Variants in CNTN4 observed in about 807,000 individuals in gnomAD.
CNTN4 encodes contactin 4.
A neutral mutation model predicts 122.5 loss-of-function variants in CNTN4; 77 were observed. That is an observed-to-expected ratio of 0.63 (90% CI 0.52 to 0.76). The LOEUF (loss-of-function observed/expected upper bound fraction) is 0.76. Among genes scored for constraint, CNTN4 ranks in the 30% least tolerant of loss-of-function variants. The pLI is 0.00. For missense variants in CNTN4, 1,256 were observed against 1,259.1 expected, an observed-to-expected ratio of 1.00 and a Z score of 0.04; for synonymous variants, 512 against 447.0, an observed-to-expected ratio of 1.15 and a Z score of -1.83.
chr3:2,193,920 A>G (rs1285669935), intron 2 of CNTN4, among the ~76,000 whole-genome samples: 1 of 152,174 alleles, frequency 6.6e-6, no homozygotes, highest in African/African-American at 2.4e-5. Context: ...AGGCTATATC[A>G]TTTAGGTTTG....
intron 2 of CNTN4, among the ~76,000 whole-genome samples, chr3:2,287,719 A>G (rs1320733245): frequency 1.7e-5 from 1 of 57,554 alleles, no homozygotes; most frequent in African/African-American, 6.5e-5. Context: ...GAGGAAGAAG[A>G]AGAAGAAGAA....
chr3:2,369,525 T>A (rs1000144344), intron 3 of CNTN4, among the ~76,000 whole-genome samples: 4 of 152,190 alleles, frequency 2.6e-5, no homozygotes, highest in African/African-American at 9.7e-5. Context: ...GCAGCAATTA[T>A]GAAAGTTGCC....
intron 13 of CNTN4, among the ~76,000 whole-genome samples, chr3:2,966,934 A>G (rs928627886): frequency 6.6e-6 from 1 of 152,244 alleles, no homozygotes; most frequent in Non-Finnish European, 1.5e-5. Context: ...CACTAAGTTC[A>G]GCCATATTGT....
chr3:2,623,981 T>C (rs2600308), intron 4 of CNTN4, among the ~76,000 whole-genome samples: 96,670 of 152,042 alleles, frequency 0.64, 32,118 homozygotes, highest in African/African-American at 0.81. Context: ...GAGATAATCA[T>C]GGAATTTTGA....
intron 4 of CNTN4, among the ~76,000 whole-genome samples, chr3:2,582,396 T>G (rs1328576826): frequency 6.6e-6 from 1 of 151,982 alleles, no homozygotes; most frequent in African/African-American, 2.4e-5. Context: ...TCCCAAACTG[T>G]AATCCCAATC....
At chr3:2,239,295 A>T (rs187473405) in intron 2 of CNTN4, among the ~76,000 whole-genome samples, 1 of 152,264 alleles carries the variant, frequency 6.6e-6, no homozygotes, top group East Asian at 1.9e-4. Context: ...CTTGGACTTA[A>T]AAAGGATTAC....
intron 3 of CNTN4, among the ~76,000 whole-genome samples, chr3:2,423,880 G>A (rs1263151108): frequency 7.3e-6 from 1 of 137,312 alleles, no homozygotes; most frequent in African/African-American, 2.7e-5. Context: ...TTATTTTCTT[G>A]CCTTTTAATG....
At chr3:3,008,589 G>A (rs1416595772) in intron 14 of CNTN4, among the ~76,000 whole-genome samples, 1 of 152,058 alleles carries the variant, frequency 6.6e-6, no homozygotes, top group Non-Finnish European at 1.5e-5. Context: ...TATAGATTCT[G>A]CCTTTGCAAA....
chr3:2,489,424 T>C (rs1267487035), intron 3 of CNTN4, among the ~76,000 whole-genome samples: 1 of 152,194 alleles, frequency 6.6e-6, no homozygotes, highest in Non-Finnish European at 1.5e-5. Flanking sequence ...CTCCCACACT[T>C]ACCCTCTTTT....
At chr3:2,138,928 G>C (rs2034844899) in intron 2 of CNTN4, among the ~76,000 whole-genome samples, 1 of 152,122 alleles carries the variant, frequency 6.6e-6, no homozygotes, top group Non-Finnish European at 1.5e-5. Flanking sequence ...TCTCTGGAGA[G>C]CTCTGACTAA....
intron 2 of CNTN4, among the ~76,000 whole-genome samples, chr3:2,196,926 C>G (rs768829861): frequency 1.3e-5 from 2 of 151,694 alleles, no homozygotes; most frequent in Admixed American, 1.3e-4. Flanking sequence ...TGCCTGTAAT[C>G]CCAGCTACTC....
intron 12 of CNTN4, among the ~76,000 whole-genome samples, chr3:2,907,732 G>T (rs2094253412): frequency 6.6e-6 from 1 of 152,150 alleles, no homozygotes; most frequent in Non-Finnish European, 1.5e-5. Flanking sequence ...AGATGGTTAG[G>T]AAGCATATAT....
rs7644007 is a variant in CNTN4 at position 3,042,595 on chromosome 3, C to T, written c.2511+173C>T. ...CATTGAATACTCAGCTGTGAGACTA[C>T]CCTTTTTCTATGTTATATTCTAGAG... is the stretch of plus-strand genomic sequence containing the variant. On this transcript the variant is annotated intron_variant, in intron 21 of 24. Transcript: ENST00000418658. Among the ~76,000 whole-genome samples the T allele has an allele frequency of 0.25, 37,530 of 152,084 alleles. 4,903 individuals carry two copies. The highest frequency in any genetic ancestry group is 0.33 in the Middle Eastern group (96 of 294).
rs138674717 is a variant in CNTN4 at position 2,866,929 on chromosome 3, C to A, written c.632C>A (p.Pro211Gln). Residue 211 changes from proline (P) to glutamine (Q), a missense_variant, in exon 8 of 25, where the codon CCA (proline) becomes CAA (glutamine). Coordinates refer to ENST00000418658, the MANE Select transcript of CNTN4 (RefSeq NM_175607.3). ...CACAAGGTCCTGGGGCCACCTACAC[C>A]ACTAATATTGAGAAATGATGGTGAG... ...TNHKVLGPPT[P>Q]LILRNDGVMG... 3 of 1,613,736 alleles carry A rather than the reference C, an allele frequency of 1.9e-6. No individual in the cohort carries two copies. The highest frequency in any genetic ancestry group is 1.7e-5 in the Admixed American group (1 of 59,984).
intron 2 of CNTN4, among the ~76,000 whole-genome samples, chr3:2,207,809 T>C (rs1300674719): frequency 6.6e-6 from 1 of 152,098 alleles, no homozygotes; most frequent in East Asian, 1.9e-4. Context: ...AGGGTTTTCA[T>C]AGTTACAGAG....
At chr3:2,109,857 A>G (rs1574842582) in intron 2 of CNTN4, among the ~76,000 whole-genome samples, 1 of 152,222 alleles carries the variant, frequency 6.6e-6, no homozygotes, top group Non-Finnish European at 1.5e-5. Context: ...TGGGAGTCCA[A>G]GCATTATTTT....
chr3:2,650,489 C>T lies in CNTN4; in HGVS notation c.55+78931C>T, dbSNP rs561644136. Among the ~76,000 whole-genome samples, 8 of 152,284 alleles carry T rather than the reference C, an allele frequency of 5.3e-5. No individual in the cohort carries two copies. The East Asian group carries it at 5.8e-4, about 11-fold the overall frequency. On this transcript the variant is annotated intron_variant, in intron 4 of 24. Coordinates refer to ENST00000418658, the MANE Select transcript of CNTN4 (RefSeq NM_175607.3). ...TGGTGGAGTTTGAGAGGATTGGCTTCAGTTTGAAAAGAATTCCTACTGCGG... is the reference window on the plus strand; with the variant it reads ...TGGTGGAGTTTGAGAGGATTGGCTTTAGTTTGAAAAGAATTCCTACTGCGG...
At chr3:2,366,559 C>A (rs546233531) in intron 3 of CNTN4, among the ~76,000 whole-genome samples, 1 of 152,016 alleles carries the variant, frequency 6.6e-6, no homozygotes, top group South Asian at 2.1e-4. Flanking sequence ...AACCCTGTCT[C>A]CACTAAAAAT....
chr3:2,882,924 C>G (rs771065076), intron 8 of CNTN4: 4 of 476,426 alleles, frequency 8.4e-6, no homozygotes, highest in South Asian at 6.2e-5. Flanking sequence ...AGAATTTAAT[C>G]CAGGCAAATG....
Sources: allele counts gnomAD v4.1 joint callset (sites outside exome capture counted in the v4.1 genomes callset), GRCh38; gene constraint gnomAD v4.1.1; transcripts MANE v1.5; gene names NCBI Gene and HGNC (gene_info 2026-07-23, HGNC 2026-07-21).